CAPN15: variants seen among roughly 807,000 people sequenced by gnomAD.
The protein encoded by CAPN15 is calpain-15.
A neutral mutation model predicts 97.9 loss-of-function variants in CAPN15; 53 were observed. The ratio of observed to expected loss-of-function variants is 0.54; its 90% CI spans 0.43 to 0.68. The LOEUF is 0.68. Among genes scored for constraint, CAPN15 ranks in the 30% least tolerant of loss-of-function variants. The pLI is 0.00. For missense variants in CAPN15, 1,592 were observed against 1,589.8 expected, an observed-to-expected ratio of 1.00 and a Z score of -0.02; for synonymous variants, 922 against 722.5, an observed-to-expected ratio of 1.28 and a Z score of -4.43.
intron 3 of CAPN15, chr16:540,017 T>C: frequency 1.1e-6 from 1 of 934,270 alleles, no homozygotes; most frequent in Non-Finnish European, 1.3e-6. Flanking sequence ...TCCCGGGCTG[T>C]GTGTGTGAAT....
intron 4 of CAPN15, 49 bp from the exon 5 acceptor site, chr16:548,944 G>A: frequency 6.4e-7 from 1 of 1,573,290 alleles, no homozygotes; most frequent in African/African-American, 1.3e-5. Flanking sequence ...CTGCCAGGTG[G>A]AGCGAGGCCA....
rs559039440 is a variant in CAPN15 at position 551,683 on chromosome 16, G to T, written c.2345+19G>T. The T allele has an allele frequency of 1.3e-6, 2 of 1,583,116 alleles. No individual in the cohort carries two copies. The highest frequency in any genetic ancestry group is 1.3e-5 in the African/African-American group (1 of 74,580). On this transcript the variant is annotated intron_variant, in intron 9 of 13. Transcript: ENST00000219611. ...TTGTCAGGTATCGGCACCGTGGGGC[G>T]GTGTGCACGCCGCCCCCGCCCTCCT...
chr16:550,768 C>T (rs148282840), intron 7 of CAPN15, among the ~76,000 whole-genome samples: 365 of 2,328 alleles, frequency 0.16, 23 homozygotes, highest in Non-Finnish European at 0.2. Context: ...GGGTCCCCTG[C>T]CGGTGAGGGT....
chr16:547,487 A>T lies in CAPN15; in HGVS notation c.649A>T (p.Ser217Cys). Reference sequence around the variant, plus strand: ...TGCCGAGGCCAACCCCCCAGCCACCAGCCAGGGCCCAGCTGCCGAACCAGA... The same window carrying T: ...TGCCGAGGCCAACCCCCCAGCCACCTGCCAGGGCCCAGCTGCCGAACCAGA... ...EGAEANPPAT[S>C]QGPAAEPEPP... The change falls in exon 4 of 14, where the codon AGC (serine) becomes TGC (cysteine). Residue 217 changes from serine to cysteine, a missense_variant. Ser to Cys is a moderately radical substitution (Grantham distance 112, BLOSUM62 -1). Transcript: ENST00000219611. 1.9e-6 allele frequency: 3 copies of T among 1,597,342 alleles called. No homozygotes were observed. The highest frequency in any genetic ancestry group is 1.7e-6 in the Non-Finnish European group (2 of 1,178,766).
At chr16:533,400 A>G (rs1298889222) in intron 1 of CAPN15, among the ~76,000 whole-genome samples, 1 of 152,122 alleles carries the variant, frequency 6.6e-6, no homozygotes, top group East Asian at 1.9e-4. Context: ...GCCTGGCTCG[A>G]AGCAGTGGCC....
intron 3 of CAPN15, among the ~76,000 whole-genome samples, 188 bp from the exon 4 acceptor site, chr16:546,629 C>T (rs2034601615): frequency 6.6e-6 from 1 of 152,204 alleles, no homozygotes; most frequent in Middle Eastern, 3.2e-3. Flanking sequence ...GCAAGAGGGG[C>T]CCTGAGCCAT....
At chr16:534,972 G>A (rs978553450) in intron 2 of CAPN15, among the ~76,000 whole-genome samples, 8 of 152,284 alleles carry the variant, frequency 5.3e-5, no homozygotes, top group Non-Finnish European at 8.8e-5. Context: ...GGGAGGGCTC[G>A]GGGGTACAGC....
At chr16:531,956 G>A (rs1415319799) in intron 1 of CAPN15, among the ~76,000 whole-genome samples, 2 of 152,250 alleles carry the variant, frequency 1.3e-5, no homozygotes, top group South Asian at 2.1e-4. Flanking sequence ...AATAGAAGTC[G>A]GGGCTGGGTG....
At position 549,139 on chromosome 16, in the gene CAPN15, G is replaced by A. The variant is rs150950862; in HGVS notation, c.1596G>A (p.Thr532=). 35 of 1,611,368 alleles carry A rather than the reference G, an allele frequency of 2.2e-5. No individual in the cohort carries two copies. The East Asian group carries it at 3.6e-4, about 16-fold the overall frequency. ...NCSVFRDHRA[T]WSVFHTLRPS... is the part of the protein sequence containing the mutation. ...CCGTCTTCAGGGACCACAGGGCCAC[G>A]TGGTCTGTGTTCCACACACTGCGGC... The change falls in exon 5 of 14, where the codon ACG becomes ACA. Residue 532 remains threonine (T), a synonymous_variant. Transcript: ENST00000219611.
At chr16:546,125 A>T (rs1464967665) in intron 3 of CAPN15, among the ~76,000 whole-genome samples, 1 of 152,232 alleles carries the variant, frequency 6.6e-6, no homozygotes, top group Admixed American at 6.5e-5. Flanking sequence ...AGCCCTCGCC[A>T]CGCGGGGCTG....
intron 4 of CAPN15, 104 bp from the exon 5 acceptor site, chr16:548,889 G>C: frequency 9.5e-7 from 1 of 1,050,440 alleles, no homozygotes; most frequent in Non-Finnish European, 1.5e-6. Flanking sequence ...TCCCTTTGGG[G>C]CTCAGGCAGT....
chr16:544,611 G>T (rs1402775179), intron 3 of CAPN15, among the ~76,000 whole-genome samples: 1 of 152,056 alleles, frequency 6.6e-6, no homozygotes, highest in African/African-American at 2.4e-5. Flanking sequence ...GGGCGCGCGG[G>T]TCTTTTGTGC....
Position 548,005 on chromosome 16 carries a change from C to T in CAPN15, c.1167C>T (p.Pro389=). The T allele has an allele frequency of 6.3e-7, 1 of 1,578,480 alleles. No individual in the cohort carries two copies. Residue 389 remains proline (P), a synonymous_variant, in exon 4 of 14, where the codon CCC becomes CCT. Coordinates refer to ENST00000219611, the MANE Select transcript of CAPN15 (RefSeq NM_005632.3). ...THCPDCGADK[P]SPCGRSCGRV... is the part of the protein sequence containing the mutation. ...GCCCCGACTGTGGGGCCGACAAGCC[C>T]AGCCCCTGCGGCAGAAGCTGCGGAC... is the stretch of plus-strand genomic sequence containing the variant.
Position 552,838 on chromosome 16 carries a change from C to G in CAPN15, c.2905-25C>G. On this transcript the variant is annotated intron_variant, in intron 12 of 13. Transcript: ENST00000219611. The surrounding 1 kb of genome is among the most constrained non-coding windows in gnomAD (Gnocchi z 6.4). ...AGTATGCCCCAGCACCTCCCCTGCC[C>G]CACAACTGCCATTCCTGTGCCCAGG... The G allele has an allele frequency of 5.7e-6, 9 of 1,579,984 alleles. No individual in the cohort carries two copies. Among genetic ancestry groups the G allele is most frequent in the Non-Finnish European group, 7.8e-6 (9 of 1,160,182 alleles).
chr16:544,251 G>A (rs982665548), intron 3 of CAPN15, among the ~76,000 whole-genome samples: 5 of 152,094 alleles, frequency 3.3e-5, no homozygotes, highest in African/African-American at 1.2e-4. Context: ...ACAGCAGGAG[G>A]AGCTGCCGAC....
intron 3 of CAPN15, among the ~76,000 whole-genome samples, chr16:546,256 A>G (rs1403748169): frequency 1.3e-5 from 2 of 152,168 alleles, no homozygotes. Flanking sequence ...TCCTGAACCA[A>G]AAGGGTTTAG....
At chr16:537,147 C>T (rs966376927) in intron 3 of CAPN15, 4 of 985,400 alleles carry the variant, frequency 4.1e-6, no homozygotes, top group East Asian at 1.1e-4. Context: ...CCTCTCTTCT[C>T]TTCCGAGCAC....
At chr16:537,216 A>G (rs1050871341) in intron 3 of CAPN15, 7 of 985,354 alleles carry the variant, frequency 7.1e-6, no homozygotes, top group Middle Eastern at 5.2e-4. Flanking sequence ...TCCTGTCCAG[A>G]TGGGGCCCAC....
In CAPN15 at chr16:548,175, G is replaced by A. The variant is rs559682366; in HGVS notation, c.1337G>A (p.Arg446Gln). 3.3e-5 allele frequency: 50 copies of A among 1,529,382 alleles called. No individual in the cohort carries two copies. Among genetic ancestry groups the A allele is most frequent in the African/African-American group, 3.1e-4 (22 of 71,184 alleles). The allele number at this position is 1,529,382 out of a possible 1,614,324, so 94.7% of individuals were successfully genotyped here. Residue 446 changes from arginine (R) to glutamine (Q), a missense_variant, in exon 4 of 14, where the codon CGG (arginine) becomes CAG (glutamine). Coordinates refer to ENST00000219611, the MANE Select transcript of CAPN15 (RefSeq NM_005632.3). Reference protein sequence around the residue: ...HTPQLLVAQRRGAAPLRRRES... With the variant: ...HTPQLLVAQRQGAAPLRRRES... ...CCTCAGCTCCTGGTGGCCCAGCGGC[G>A]GGGGGCCGCGCCCCTGAGGCGCAGG...
Sources: gnomAD v4.1 joint callset for allele counts (sites outside exome capture counted in the v4.1 genomes callset) on GRCh38, gnomAD v4.1.1 for gene constraint, Gnocchi (gnomAD v3.1) non-coding constraint, MANE v1.5 for transcripts, NCBI Gene and HGNC (gene_info 2026-07-23, HGNC 2026-07-21) for gene names.